The following TMPRSS4 variants were observed in gnomAD, a reference collection of about 807,000 sequenced individuals.
TMPRSS4 encodes transmembrane protease serine 4.
TMPRSS4 carries 45 observed loss-of-function variants against 56.4 expected under a neutral mutation model. The ratio of observed to expected loss-of-function variants is 0.80; its 90% CI spans 0.63 to 1.02. TMPRSS4 has a LOEUF of 1.02. TMPRSS4 is among the 50% of genes least tolerant of loss of function. The pLI, the probability that TMPRSS4 is intolerant of heterozygous loss-of-function variation, is 0.00. For missense variants in TMPRSS4, 546 were observed against 556.7 expected, an observed-to-expected ratio of 0.98 and a Z score of 0.19; for synonymous variants, 205 against 211.0, an observed-to-expected ratio of 0.97 and a Z score of 0.25.
At chr11:118,122,701 G>A (rs1161878332), downstream of TMPRSS4, among the ~76,000 whole-genome samples, 1 of 152,182 alleles carries the variant, frequency 6.6e-6, no homozygotes, top group South Asian at 2.1e-4. Context: ...CAATATAGAT[G>A]AATGACAGGA....
At chr11:118,090,614 G>GAAAA (rs11369045) in intron 1 of TMPRSS4, among the ~76,000 whole-genome samples, 3,280 of 138,366 alleles carry the variant, frequency 0.024, 150 homozygotes, top group African/African-American at 0.085. Context: ...TCATCTCTAC[G>GAAAA]AAAAAAAAAA....
At chr11:118,099,568 C>T (rs1014977788) in intron 3 of TMPRSS4, among the ~76,000 whole-genome samples, 4 of 152,126 alleles carry the variant, frequency 2.6e-5, no homozygotes, top group African/African-American at 9.7e-5. Context: ...TGAACTCAGC[C>T]CCCATCTGTT....
intron 4 of TMPRSS4, 64 bp downstream of exon 4, chr11:118,103,317 G>GGCCCACTGCATAGTATCT (rs1367623919): frequency 1.9e-6 from 3 of 1,570,594 alleles, no homozygotes; most frequent in Non-Finnish European, 2.6e-6. Context: ...AGGCCCCCAC[G>GGCCCACTGCATAGTATCT]GCCCACTGCA....
intron 1 of TMPRSS4, among the ~76,000 whole-genome samples, chr11:118,079,092 AGGTCAGGCCTGG>A (rs1944924959): frequency 6.6e-6 from 1 of 151,924 alleles, no homozygotes; most frequent in Admixed American, 6.6e-5. Flanking sequence ...TGGAGGGGTC[AGGTCAGGCCTGG>A]GGCCCCAAAG....
chr11:118,103,347 G>A, intron 4 of TMPRSS4, 94 bp downstream of exon 4: 2 of 1,460,472 alleles, frequency 1.4e-6, no homozygotes, highest in Non-Finnish European at 1.8e-6. Flanking sequence ...CCCCCTACTT[G>A]TCACTTTTCA....
chr11:118,095,903 G>C (rs1941632), intron 2 of TMPRSS4, among the ~76,000 whole-genome samples: 1 of 151,948 alleles, frequency 6.6e-6, no homozygotes, highest in Non-Finnish European at 1.5e-5. Flanking sequence ...AACAACAGCC[G>C]GCAAGGAGGC....
rs748384003 is a variant in TMPRSS4, at chr11:118,111,768, G to T, written c.611G>T (p.Arg204Leu). The T allele has an allele frequency of 9.4e-6, 15 of 1,596,540 alleles. No homozygotes were observed. The highest frequency in any genetic ancestry group is 3.5e-5 in the Admixed American group (2 of 57,030). The change falls in exon 8 of 13, where the codon CGT becomes CTT. Residue 204 changes from arginine (R) to leucine (L), a missense_variant. Coordinates refer to ENST00000437212, the MANE Select transcript of TMPRSS4 (RefSeq NM_019894.4). ...TGTGGGAAGAGCCTGAAGACCCCCC[G>T]TGTGGTGGGTGTGGAGGAGGCCTCT... ...LACGKSLKTP[R>L]VVGVEEASVD...
At position 118,121,257 on chromosome 11, in the gene TMPRSS4, T is replaced by C. The variant is rs1369928475; in HGVS notation, c.*3344T>C. On this transcript the variant is annotated 3_prime_UTR_variant, in exon 13 of 13. Coordinates refer to ENST00000437212, the MANE Select transcript of TMPRSS4 (RefSeq NM_019894.4). ...TTTACTTTAGGAAGAAGGAAAATGA[T>C]CCTAAAAGGAAGAACCAAGAAGCAA... 2 of 152,188 alleles carry C rather than the reference T, an allele frequency of 1.3e-5. No individual in the cohort carries two copies. The highest frequency in any genetic ancestry group is 6.5e-5 in the Admixed American group (1 of 15,268). 9.4% of individuals were successfully genotyped at this position (152,188 alleles called of 1,614,324 possible). A position where few individuals can be genotyped will look rare whatever the true frequency, so the allele number is the denominator to read the frequency against.
chr11:118,089,624 A>G (rs1945813758), intron 1 of TMPRSS4, among the ~76,000 whole-genome samples: 1 of 152,116 alleles, frequency 6.6e-6, no homozygotes, highest in Non-Finnish European at 1.5e-5. Flanking sequence ...ACACATATCC[A>G]TCCCTCTCCT....
downstream of TMPRSS4, among the ~76,000 whole-genome samples, chr11:118,125,103 A>G (rs1947862470): frequency 6.6e-6 from 1 of 152,210 alleles, no homozygotes; most frequent in African/African-American, 2.4e-5. Flanking sequence ...TGCATGCACC[A>G]CGGTGACAGC....
intron 1 of TMPRSS4, among the ~76,000 whole-genome samples, chr11:118,087,083 C>T (rs1260707331): frequency 2.0e-5 from 3 of 151,944 alleles, no homozygotes; most frequent in Admixed American, 1.3e-4. Flanking sequence ...ACCTGTTTAT[C>T]CCATCACCTA....
In TMPRSS4 at chr11:118,105,535, CT is replaced by C. The variant is rs1946945519; in HGVS notation, c.440+716del. On this transcript the variant is annotated intron_variant, in intron 5 of 12. Transcript: ENST00000437212. ...GGGCTAGAATTTGAGCCCAAGACCC[CT>C]AATTCTTGCGCATTAGGAGTTCCCA... The C allele has an allele frequency of 5.3e-5, 8 of 152,278 alleles. No homozygotes were observed. In the South Asian group the frequency reaches 1.7e-3, roughly 32 times the overall value. The allele number at this position is 152,278 out of a possible 1,614,324, so 9.4% of individuals were successfully genotyped here.
chr11:118,095,566 A>G (rs1367199726), intron 2 of TMPRSS4, among the ~76,000 whole-genome samples: 1 of 152,202 alleles, frequency 6.6e-6, no homozygotes, highest in Non-Finnish European at 1.5e-5. Flanking sequence ...GGAATTCAAT[A>G]TAAGAGTAGG....
At chr11:118,086,177 T>C (rs1055606664) in intron 1 of TMPRSS4, among the ~76,000 whole-genome samples, 4 of 152,226 alleles carry the variant, frequency 2.6e-5, no homozygotes, top group African/African-American at 9.6e-5. Flanking sequence ...AATAGTTACA[T>C]CTTCCCTGCC....
intron 3 of TMPRSS4, among the ~76,000 whole-genome samples, chr11:118,101,992 A>C (rs558258851): frequency 1.3e-5 from 2 of 151,782 alleles, no homozygotes; most frequent in Non-Finnish European, 2.9e-5. Flanking sequence ...TATTTTAATT[A>C]TTTTTTTCTT....
chr11:118,098,407 G>A (rs948463), intron 2 of TMPRSS4, among the ~76,000 whole-genome samples: 139,136 of 152,314 alleles, frequency 0.91, 63,625 homozygotes, highest in Non-Finnish European at 0.93. Flanking sequence ...ACCTGGCTGG[G>A]CTGGCATCTG....
At chr11:118,107,728 C>A (rs372603885) in intron 5 of TMPRSS4, 46 bp from the exon 6 acceptor site, 5 of 1,556,656 alleles carry the variant, frequency 3.2e-6, no homozygotes, top group South Asian at 1.1e-5. Flanking sequence ...CTTGTTCTAA[C>A]CCCCTGCCCC....
At chr11:118,096,942 GAAAGAAAGGAAGGAAAGAAA>G (rs1565423041) in intron 2 of TMPRSS4, among the ~76,000 whole-genome samples, 1 of 79,854 alleles carries the variant, frequency 1.3e-5, no homozygotes. Flanking sequence ...GAAAGAGAAA[GAAAGAAAGGAAGGAAAGAAA>G]GAAAGGAAAG....
intron 1 of TMPRSS4, among the ~76,000 whole-genome samples, chr11:118,085,775 C>T (rs1945507345): frequency 6.6e-6 from 1 of 152,176 alleles, no homozygotes; most frequent in Non-Finnish European, 1.5e-5. Flanking sequence ...GAGTCCCCTC[C>T]AGCCATTGTC....
Sources: gnomAD v4.1 joint callset for allele counts (sites outside exome capture counted in the v4.1 genomes callset) on GRCh38, gnomAD v4.1.1 for gene constraint, MANE v1.5 for transcripts, NCBI Gene and HGNC (gene_info 2026-07-23, HGNC 2026-07-21) for gene names.